CNNM2: variants seen among roughly 807,000 people sequenced by gnomAD.
CNNM2 encodes the protein metal transporter CNNM2.
In CNNM2, 12 loss-of-function variants were observed where a neutral mutation model predicts 66.9. The observed-to-expected ratio is 0.18, with a 90% CI of 0.11 to 0.29. The LOEUF is 0.29. CNNM2 is among the 10% of genes least tolerant of loss of function. The pLI, the probability that CNNM2 is intolerant of heterozygous loss-of-function variation, is 1.00. For missense variants in CNNM2, 705 were observed against 1,167.7 expected, an observed-to-expected ratio of 0.60 and a Z score of 5.77; for synonymous variants, 557 against 501.8, an observed-to-expected ratio of 1.11 and a Z score of -1.47.
chr10:103,075,574 G>A (rs943679453), intron 6 of CNNM2, among the ~76,000 whole-genome samples: 17 of 152,288 alleles, frequency 1.1e-4, no homozygotes, highest in African/African-American at 3.8e-4. Flanking sequence ...GGTCAGAGAC[G>A]AAGATAATAG....
intron 1 of CNNM2, among the ~76,000 whole-genome samples, chr10:102,972,560 C>T (rs1335527389): frequency 1.3e-5 from 2 of 152,180 alleles, no homozygotes; most frequent in Non-Finnish European, 2.9e-5. Context: ...GGCGTGAACC[C>T]GGGCGGCGGA....
intron 1 of CNNM2, among the ~76,000 whole-genome samples, chr10:102,922,908 C>A (rs1460119336): frequency 2.1e-5 from 3 of 145,754 alleles, no homozygotes; most frequent in African/African-American, 7.7e-5. Context: ...TGCCATTGCA[C>A]TACAGCCTTG....
At position 103,018,686 on chromosome 10, in the gene CNNM2, CTTTT is replaced by C. The variant is rs370000130; in HGVS notation, c.1622-31003_1622-31000del. Among the ~76,000 whole-genome samples the C allele has an allele frequency of 1.4e-3, 160 of 116,262 alleles. 3 individuals carry two copies. In the East Asian group the frequency reaches 0.026, roughly 19 times the overall value. The allele number at this position is 116,262 out of a possible 152,430, so 76.3% of individuals were successfully genotyped here. On this transcript the variant is annotated intron_variant, in intron 1 of 7. Coordinates refer to ENST00000369878, the MANE Select transcript of CNNM2 (RefSeq NM_017649.5). Reference sequence around the variant, plus strand: ...AGCAAGGTAAATATACTCTTCTTTCCTTTTTTTTTTTTTTTTTTTTTGAGATGGA... The same window carrying C: ...AGCAAGGTAAATATACTCTTCTTTCCTTTTTTTTTTTTTTTTTGAGATGGA...
intron 1 of CNNM2, among the ~76,000 whole-genome samples, chr10:103,040,146 AAC>A (rs1437106779): frequency 2.0e-5 from 3 of 152,072 alleles, no homozygotes; most frequent in Non-Finnish European, 4.4e-5. Context: ...CAGCCTGCTT[AAC>A]AGAGTGAGAC....
intron 1 of CNNM2, among the ~76,000 whole-genome samples, chr10:102,925,381 C>G (rs1845824488): frequency 2.7e-5 from 4 of 148,526 alleles, no homozygotes; most frequent in Admixed American, 2.0e-4. Flanking sequence ...CCAGAGACCT[C>G]TGAATTGGGA....
intron 2 of CNNM2, among the ~76,000 whole-genome samples, chr10:103,052,074 A>G (rs1005927485): frequency 6.6e-6 from 1 of 151,980 alleles, no homozygotes; most frequent in Non-Finnish European, 1.5e-5. Context: ...CAAGAGATGG[A>G]GAACATCCTG....
chr10:102,998,829 A>G (rs1400552211), intron 1 of CNNM2, among the ~76,000 whole-genome samples: 2 of 152,146 alleles, frequency 1.3e-5, no homozygotes, highest in African/African-American at 2.4e-5. Context: ...AAGACAAACA[A>G]AAAAACCTAT....
At chr10:103,013,463 A>G (rs1347583944) in intron 1 of CNNM2, among the ~76,000 whole-genome samples, 1 of 152,170 alleles carries the variant, frequency 6.6e-6, no homozygotes, top group Non-Finnish European at 1.5e-5. Flanking sequence ...AGGAAGGGAA[A>G]TCTGCTACCT....
chr10:103,079,631 AT>A lies in CNNM2; in HGVS notation c.*2453del, dbSNP rs2065737364. 8.5e-5 allele frequency: 13 copies of A among 152,186 alleles called. No individual in the cohort carries two copies. The highest frequency in any genetic ancestry group is 3.1e-4 in the African/African-American group (13 of 41,444). The allele number at this position is 152,186 out of a possible 1,614,324, so 9.4% of individuals were successfully genotyped here. On this transcript the variant is annotated 3_prime_UTR_variant, in exon 8 of 8. Coordinates refer to ENST00000369878, the MANE Select transcript of CNNM2 (RefSeq NM_017649.5). ...TGCTCGGTGTGATGGCTTCTTGCAA[AT>A]TATTCTCTTATAAAAGAGCTCGGCA...
At chr10:103,063,528 G>A (rs2065424741) in intron 4 of CNNM2, among the ~76,000 whole-genome samples, 1 of 152,254 alleles carries the variant, frequency 6.6e-6, no homozygotes, top group Non-Finnish European at 1.5e-5. Context: ...GGCTAGGGAA[G>A]TTTAGGATTC....
intron 1 of CNNM2, among the ~76,000 whole-genome samples, chr10:102,963,970 AAG>A (rs1303100744): frequency 6.6e-6 from 1 of 152,168 alleles, no homozygotes; most frequent in Non-Finnish European, 1.5e-5. Context: ...GACTGAAAAA[AAG>A]AGAAACAAAT....
intron 1 of CNNM2, among the ~76,000 whole-genome samples, chr10:102,948,114 T>G (rs1029995185): frequency 3.3e-5 from 5 of 152,140 alleles, no homozygotes; most frequent in African/African-American, 1.2e-4. Flanking sequence ...ATCTTGTAAT[T>G]TTCTATTATC....
Position 103,057,593 on chromosome 10 carries a change from G to A in CNNM2, c.2073+629G>A, listed in dbSNP as rs116134457. On this transcript the variant is annotated intron_variant, in intron 4 of 7. Transcript: ENST00000369878. ...ACCAGTACATGTCTGAATCTCAGTG[G>A]GTGTTTGAAATTTAAGTGTCATGGG... Among the ~76,000 whole-genome samples, 342 of 152,202 alleles carry A rather than the reference G, an allele frequency of 2.2e-3. 4 individuals carry two copies. The highest frequency in any genetic ancestry group is 7.8e-3 in the African/African-American group (324 of 41,516).
At position 102,958,459 on chromosome 10, in the gene CNNM2, GTTTTTTTTTTTTTTTTT is replaced by G. The variant is rs33992570; in HGVS notation, c.1621+38372_1621+38388del. ...GACTTGTTCTGAATTCAAGCAACTT[GTTTTTTTTTTTTTTTTT>G]TTTTTTTTTTTTTGAGATGGAGTCT... On this transcript the variant is annotated intron_variant, in intron 1 of 7. Coordinates refer to ENST00000369878, the MANE Select transcript of CNNM2 (RefSeq NM_017649.5). 1.9e-3 allele frequency among the ~76,000 whole-genome samples: 96 copies of G among 51,748 alleles called. 1 individual carries two copies. The highest frequency in any genetic ancestry group is 6.8e-3 in the African/African-American group (91 of 13,360). 33.9% of individuals were successfully genotyped at this position (51,748 alleles called of 152,430 possible).
chr10:102,945,049 A>G (rs981813647), intron 1 of CNNM2, among the ~76,000 whole-genome samples: 1 of 151,374 alleles, frequency 6.6e-6, no homozygotes, highest in Admixed American at 6.6e-5. Flanking sequence ...CAAGGAATCT[A>G]TGAGGTGATA....
intron 1 of CNNM2, among the ~76,000 whole-genome samples, chr10:103,037,984 CAT>C (rs2064972945): frequency 6.6e-6 from 1 of 152,132 alleles, no homozygotes; most frequent in Non-Finnish European, 1.5e-5. Flanking sequence ...GGATTACAGG[CAT>C]GTACCACCAT....
intron 1 of CNNM2, among the ~76,000 whole-genome samples, chr10:102,939,925 G>A (rs1424493681): frequency 2.6e-5 from 4 of 151,802 alleles, no homozygotes; most frequent in East Asian, 3.9e-4. Context: ...CTGAGATCGC[G>A]CCACTGCACT....
Position 103,079,789 on chromosome 10 carries a change from G to C in CNNM2, c.*2609G>C, listed in dbSNP as rs2065739448. ...AGGGAATCTAAAATAATTCCTGTCA[G>C]GTCCCTGAAGGAATGAAGGCTAACA... On this transcript the variant is annotated 3_prime_UTR_variant, in exon 8 of 8. Coordinates refer to ENST00000369878, the MANE Select transcript of CNNM2 (RefSeq NM_017649.5). The C allele has an allele frequency of 6.6e-6, 1 of 152,152 alleles. No homozygotes were observed. Among genetic ancestry groups the C allele is most frequent in the African/African-American group, 2.4e-5 (1 of 41,428 alleles). The allele number at this position is 152,152 out of a possible 1,614,324, so 9.4% of individuals were successfully genotyped here.
intron 1 of CNNM2, among the ~76,000 whole-genome samples, chr10:102,990,587 C>CT (rs1393303137): frequency 6.6e-6 from 1 of 152,118 alleles, no homozygotes; most frequent in African/African-American, 2.4e-5. Flanking sequence ...AGCAATGGCT[C>CT]TAAGTCTTCA....
Sources: allele counts gnomAD v4.1 joint callset (sites outside exome capture counted in the v4.1 genomes callset), GRCh38; gene constraint gnomAD v4.1.1; transcripts MANE v1.5; gene names NCBI Gene and HGNC (gene_info 2026-07-23, HGNC 2026-07-21).